Variants in ADCY8 observed in about 807,000 individuals in gnomAD.
The protein encoded by ADCY8 is adenylate cyclase 8, also known as adenylate cyclase type 8.
ADCY8 carries 51 observed loss-of-function variants against 119.7 expected under a neutral mutation model. That is an observed-to-expected ratio of 0.43 (90% confidence interval 0.34 to 0.54). ADCY8 has a LOEUF of 0.54. Ranked by LOEUF, ADCY8 falls within the 20% of genes least tolerant of loss-of-function variation. ADCY8 has a pLI of 0.03. For missense variants in ADCY8, 1,383 were observed against 1,598.8 expected (o/e 0.87, Z 2.30); for synonymous variants, 665 against 651.0 (o/e 1.02, Z -0.33).
intron 16 of ADCY8, 61 bp downstream of exon 16, chr8:130,785,322 G>C (rs12546275): frequency 9.7e-5 from 115 of 1,186,328 alleles, no homozygotes; most frequent in South Asian, 1.3e-4. Flanking sequence ...CACCACCGTC[G>C]GTGACATGAC....
intron 7 of ADCY8, among the ~76,000 whole-genome samples, chr8:130,893,816 G>A (rs548815578): frequency 9.9e-4 from 144 of 145,694 alleles, no homozygotes; most frequent in Non-Finnish European, 1.8e-3. Context: ...ATGTTTATGC[G>A]TGTGTGTGTT....
chr8:130,862,847 T>G (rs538657614), intron 9 of ADCY8, among the ~76,000 whole-genome samples: 1 of 152,360 alleles, frequency 6.6e-6, no homozygotes, highest in East Asian at 1.9e-4. Flanking sequence ...TACTATGATC[T>G]GAGAACATAC....
chr8:130,825,958 G>A (rs557853033), intron 12 of ADCY8, among the ~76,000 whole-genome samples: 5 of 152,138 alleles, frequency 3.3e-5, no homozygotes, highest in Admixed American at 3.3e-4. Flanking sequence ...GACTACTTCC[G>A]CAGGATCTTT....
intron 1 of ADCY8, among the ~76,000 whole-genome samples, chr8:131,014,333 C>A (rs1012126927): frequency 6.6e-6 from 1 of 152,108 alleles, no homozygotes; most frequent in Non-Finnish European, 1.5e-5. Context: ...GGGTTTTGGT[C>A]TATAATGCTG....
rs377115322 is a variant in ADCY8 at position 131,011,795 on chromosome 8, T to A, written c.961-21253A>T. Among the ~76,000 whole-genome samples, 25 of 152,216 alleles carry A rather than the reference T, an allele frequency of 1.6e-4. 1 individual carries two copies. The South Asian group carries it at 2.5e-3, about 15-fold the overall frequency. ...GGGATCCTCTGGTTCCAACACTGACTCTACCCCCCAGAAGCTGATGCCCAG... is the reference window on the plus strand; with the variant it reads ...GGGATCCTCTGGTTCCAACACTGACACTACCCCCCAGAAGCTGATGCCCAG... On this transcript the variant is annotated intron_variant, in intron 1 of 17. Coordinates refer to ENST00000286355, the MANE Select transcript of ADCY8 (RefSeq NM_001115.3).
chr8:130,847,176 TGAG>T lies in ADCY8; in HGVS notation c.2502+245_2502+247del, dbSNP rs1817356588. On this transcript the variant is annotated intron_variant, in intron 11 of 17. Transcript: ENST00000286355. ...AGGAAGAGAAAGAGGGAGAAAGAAATGAGGAAGGGGTGAAGATGAAAAAGAGGC... is the reference window on the plus strand; with the variant it reads ...AGGAAGAGAAAGAGGGAGAAAGAAATGAAGGGGTGAAGATGAAAAAGAGGC... Among the ~76,000 whole-genome samples, 2 of 146,838 alleles carry T rather than the reference TGAG, an allele frequency of 1.4e-5. 1 individual carries two copies. Among genetic ancestry groups the T allele is most frequent in the South Asian group, 4.3e-4 (2 of 4,672 alleles).
chr8:130,904,176 G>C lies in ADCY8; in HGVS notation c.1641-134C>G. 5.7e-6 allele frequency: 5 copies of C among 884,172 alleles called. No homozygotes were observed. The African/African-American group carries it at 6.6e-5, about 12-fold the overall frequency. The allele number at this position is 884,172 out of a possible 1,614,324, so 54.8% of individuals were successfully genotyped here. A position where few individuals can be genotyped will look rare whatever the true frequency, so the allele number is the denominator to read the frequency against. The stretch of plus-strand genomic sequence containing the variant: ...GGACATGTCCTCAGGGACAATACTT[G>C]TCTTCCTAAAAAGTAGAAAGAATAA... On this transcript the variant is annotated intron_variant, in intron 6 of 17. Transcript: ENST00000286355.
intron 15 of ADCY8, among the ~76,000 whole-genome samples, chr8:130,791,225 G>T (rs529818467): frequency 1.3e-5 from 2 of 152,360 alleles, no homozygotes. Flanking sequence ...AGCAGAGAGG[G>T]TGATGGGTGG....
intron 12 of ADCY8, among the ~76,000 whole-genome samples, chr8:130,831,243 C>T (rs1816825066): frequency 1.3e-5 from 2 of 152,162 alleles, no homozygotes; most frequent in South Asian, 4.1e-4. Flanking sequence ...TTCAGTCACT[C>T]AATCATTTAA....
At chr8:130,987,606 A>G (rs1417749955) in intron 2 of ADCY8, among the ~76,000 whole-genome samples, 3 of 152,186 alleles carry the variant, frequency 2.0e-5, no homozygotes, top group African/African-American at 7.2e-5. Context: ...ATTACTATCA[A>G]TCTTATTTAG....
chr8:130,944,526 G>T (rs1041935326), intron 3 of ADCY8, among the ~76,000 whole-genome samples: 1 of 152,170 alleles, frequency 6.6e-6, no homozygotes, highest in African/African-American at 2.4e-5. Flanking sequence ...AGGTAATTGG[G>T]CTAGAAGACA....
intron 3 of ADCY8, among the ~76,000 whole-genome samples, chr8:130,948,902 C>G (rs1376931135): frequency 6.6e-6 from 1 of 152,046 alleles, no homozygotes; most frequent in African/African-American, 2.4e-5. Context: ...GGAGACGCCC[C>G]GCCGCCCCGA....
intron 1 of ADCY8, among the ~76,000 whole-genome samples, chr8:131,029,844 ATG>A (rs1463201686): frequency 1.0e-3 from 119 of 118,666 alleles, no homozygotes; most frequent in African/African-American, 3.8e-3. Flanking sequence ...TTCTGTAATG[ATG>A]TGTGTGTGTG....
rs554290315 is a variant in ADCY8 at position 130,808,645 on chromosome 8, G to A, written c.2913+5424C>T. On this transcript the variant is annotated intron_variant, in intron 14 of 17. Transcript: ENST00000286355. ...TGGGGTTTTGAATGCACCTACACAC[G>A]GCCTTTCTATAATGAAGCTGCCTGG... Among the ~76,000 whole-genome samples the A allele has an allele frequency of 2.3e-3, 346 of 152,248 alleles. 1 individual carries two copies. The highest frequency in any genetic ancestry group is 8.0e-3 in the African/African-American group (332 of 41,546).
intron 17 of ADCY8, among the ~76,000 whole-genome samples, chr8:130,782,627 C>G (rs1034968863): frequency 2.0e-5 from 3 of 152,124 alleles, no homozygotes; most frequent in Non-Finnish European, 4.4e-5. Context: ...CCTTTTTATT[C>G]CTGGTTCAAT....
At chr8:130,930,521 G>A (rs1019818203) in intron 5 of ADCY8, among the ~76,000 whole-genome samples, 3 of 152,080 alleles carry the variant, frequency 2.0e-5, no homozygotes, top group African/African-American at 7.2e-5. Context: ...AAAGTGCTGG[G>A]ATTACAGGTG....
At chr8:130,835,439 G>A (rs1408871983) in intron 12 of ADCY8, among the ~76,000 whole-genome samples, 1 of 152,152 alleles carries the variant, frequency 6.6e-6, no homozygotes, top group Non-Finnish European at 1.5e-5. Flanking sequence ...TCTCTTCAGA[G>A]CCCATGTTGC....
chr8:130,884,529 T>C, intron 8 of ADCY8, 35 bp downstream of exon 8: 1 of 1,608,042 alleles, frequency 6.2e-7, no homozygotes, highest in Non-Finnish European at 8.5e-7. Flanking sequence ...CACAATTTAC[T>C]CAGAAAAAGA....
At chr8:130,866,325 A>C (rs1818120158) in intron 9 of ADCY8, among the ~76,000 whole-genome samples, 1 of 121,226 alleles carries the variant, frequency 8.2e-6, no homozygotes, top group Admixed American at 8.1e-5. Context: ...CATATTAGTT[A>C]ACTTGAACAT....
Sources: allele counts gnomAD v4.1 joint callset (sites outside exome capture counted in the v4.1 genomes callset), GRCh38; gene constraint gnomAD v4.1.1; transcripts MANE v1.5; gene names NCBI Gene and HGNC (gene_info 2026-07-23, HGNC 2026-07-21).